The following VEGFC variants were observed in gnomAD, a reference collection of about 807,000 sequenced individuals.
VEGFC encodes the protein FLT4 ligand DHM.
Under a neutral mutation model 46.1 loss-of-function variants are expected in VEGFC, and 12 were observed. The observed-to-expected ratio is 0.26, with a 90% confidence interval of 0.17 to 0.42. The LOEUF is 0.42. VEGFC is among the 10% of genes least tolerant of loss of function. The probability of loss-of-function intolerance (pLI) is 1.00; values close to 1 mark genes in which losing one functional copy is unlikely to be tolerated. For missense variants in VEGFC, 488 were observed against 529.4 expected (o/e 0.92, Z 0.77); for synonymous variants, 232 against 195.5 (o/e 1.19, Z -1.56).
intron 1 of VEGFC, among the ~76,000 whole-genome samples, chr4:176,736,017 C>A (rs1735047145): frequency 6.6e-6 from 1 of 151,836 alleles, no homozygotes; most frequent in South Asian, 2.1e-4. Context: ...AAATTTACCT[C>A]ATTACATGCT....
chr4:176,684,060 C>T lies in VEGFC; in HGVS notation c.1146-20G>A. ...TAACAGCTAGGAGAACAAACAAGAACACACTTACGTTAAAGATCAAGGCAA... is the reference window on the plus strand; with the variant it reads ...TAACAGCTAGGAGAACAAACAAGAATACACTTACGTTAAAGATCAAGGCAA... On this transcript the variant is annotated intron_variant, in intron 6 of 6. Coordinates refer to ENST00000618562, the MANE Select transcript of VEGFC (RefSeq NM_005429.5). 1 of 1,577,268 alleles carries T rather than the reference C, an allele frequency of 6.3e-7. No individual in the cohort carries two copies. Among genetic ancestry groups the T allele is most frequent in the Non-Finnish European group, 8.7e-7 (1 of 1,146,602 alleles).
chr4:176,742,944 C>T (rs1342066360), intron 1 of VEGFC, among the ~76,000 whole-genome samples: 1 of 152,002 alleles, frequency 6.6e-6, no homozygotes, highest in East Asian at 1.9e-4. Context: ...AGTAGTCATT[C>T]TGATATTACG....
At chr4:176,716,573 A>C (rs571277991) in intron 3 of VEGFC, among the ~76,000 whole-genome samples, 9 of 127,528 alleles carry the variant, frequency 7.1e-5, no homozygotes, top group African/African-American at 2.9e-4. Context: ...ACAGAGGTGG[A>C]CTCCCTCTCC....
At chr4:176,754,914 A>G (rs1186393248) in intron 1 of VEGFC, among the ~76,000 whole-genome samples, 2 of 152,230 alleles carry the variant, frequency 1.3e-5, no homozygotes, top group East Asian at 3.9e-4. Flanking sequence ...ACATAAAAAT[A>G]TAACTTTCTC....
chr4:176,695,330 AT>A (rs1734289597), intron 4 of VEGFC, among the ~76,000 whole-genome samples: 1 of 145,806 alleles, frequency 6.9e-6, no homozygotes, highest in South Asian at 2.3e-4. Context: ...ACAAACTACC[AT>A]CAGAGAATAC....
At chr4:176,710,632 C>T (rs1031868842) in intron 4 of VEGFC, among the ~76,000 whole-genome samples, 6 of 152,016 alleles carry the variant, frequency 3.9e-5, no homozygotes, top group African/African-American at 9.7e-5. Context: ...GTATTTTGAT[C>T]AATTTATTTA....
chr4:176,691,625 A>G (rs1240083754), intron 4 of VEGFC, among the ~76,000 whole-genome samples: 1 of 152,254 alleles, frequency 6.6e-6, no homozygotes, highest in Non-Finnish European at 1.5e-5. Flanking sequence ...CGTGACAAAA[A>G]TATGAGTATA....
chr4:176,697,946 G>A (rs1190714139), intron 4 of VEGFC, among the ~76,000 whole-genome samples: 1 of 151,558 alleles, frequency 6.6e-6, no homozygotes, highest in Non-Finnish European at 1.5e-5. Context: ...GAGATCACAT[G>A]GACACAGGAA....
chr4:176,744,566 A>C (rs1486663307), intron 1 of VEGFC, among the ~76,000 whole-genome samples: 1 of 152,078 alleles, frequency 6.6e-6, no homozygotes, highest in Non-Finnish European at 1.5e-5. Flanking sequence ...GATGGCATTT[A>C]GCAGAGGAGA....
chr4:176,769,306 G>T (rs1413075906), intron 1 of VEGFC, among the ~76,000 whole-genome samples: 1 of 152,122 alleles, frequency 6.6e-6, no homozygotes, highest in East Asian at 1.9e-4. Flanking sequence ...CTGTGACCCT[G>T]TGTGGCATGC....
intron 1 of VEGFC, among the ~76,000 whole-genome samples, chr4:176,755,447 C>T (rs1470483931): frequency 6.6e-6 from 1 of 151,942 alleles, no homozygotes; most frequent in Non-Finnish European, 1.5e-5. Flanking sequence ...ATAGAGTCCC[C>T]TGTAGAATTA....
chr4:176,765,293 T>C (rs10031801), intron 1 of VEGFC, among the ~76,000 whole-genome samples: 125,191 of 151,608 alleles, frequency 0.83, 53,237 homozygotes, highest in East Asian at 1. Flanking sequence ...AAAAGCATAA[T>C]AGACATAGAT....
At chr4:176,696,556 T>C (rs1029681555) in intron 4 of VEGFC, among the ~76,000 whole-genome samples, 1 of 150,606 alleles carries the variant, frequency 6.6e-6, no homozygotes, top group Non-Finnish European at 1.5e-5. Flanking sequence ...ATGGCCATAC[T>C]GCCCAAGGTA....
intron 4 of VEGFC, among the ~76,000 whole-genome samples, chr4:176,709,406 C>A (rs775887357): frequency 6.6e-6 from 1 of 152,204 alleles, no homozygotes; most frequent in Non-Finnish European, 1.5e-5. Context: ...TCCAGTTCCA[C>A]ATGCAACATT....
intron 4 of VEGFC, among the ~76,000 whole-genome samples, chr4:176,702,303 A>G (rs1164869208): frequency 6.7e-6 from 1 of 148,438 alleles, no homozygotes; most frequent in Non-Finnish European, 1.5e-5. Flanking sequence ...AAATATGCAA[A>G]TTAGCCTTCA....
At chr4:176,711,699 G>A (rs1220584903) in intron 3 of VEGFC, 49 bp from the exon 4 acceptor site, 1 of 1,590,378 alleles carries the variant, frequency 6.3e-7, no homozygotes, top group Non-Finnish European at 8.6e-7. Flanking sequence ...ATGCTGTAAA[G>A]CACTTTTATG....
chr4:176,788,860 G>A (rs1252136167), intron 1 of VEGFC, among the ~76,000 whole-genome samples: 4 of 152,082 alleles, frequency 2.6e-5, no homozygotes, highest in African/African-American at 9.7e-5. Context: ...CTTTTTCCTG[G>A]TTAAGTCATT....
At chr4:176,714,618 AAG>A (rs1254256308) in intron 3 of VEGFC, among the ~76,000 whole-genome samples, 1 of 152,198 alleles carries the variant, frequency 6.6e-6, no homozygotes, top group East Asian at 1.9e-4. Context: ...GCTATTGTAG[AAG>A]AGTTTATGTT....
intron 1 of VEGFC, among the ~76,000 whole-genome samples, chr4:176,788,099 T>A (rs1298762852): frequency 6.6e-6 from 1 of 152,214 alleles, no homozygotes; most frequent in African/African-American, 2.4e-5. Context: ...CACTTATTTG[T>A]GAAAGGTCAT....
Sources: allele counts gnomAD v4.1 joint callset (sites outside exome capture counted in the v4.1 genomes callset), GRCh38; gene constraint gnomAD v4.1.1; transcripts MANE v1.5; gene names NCBI Gene and HGNC (gene_info 2026-07-23, HGNC 2026-07-21).